The following ELMO1 variants were observed in gnomAD, a reference collection of about 807,000 sequenced individuals.
ELMO1 encodes engulfment and cell motility protein 1.
ELMO1 carries 26 observed loss-of-function variants against 98.9 expected under a neutral mutation model. The ratio of observed to expected loss-of-function variants is 0.26; its 90% CI spans 0.19 to 0.36. The LOEUF is 0.36. ELMO1 is among the 10% of genes least tolerant of loss of function. ELMO1 has a pLI of 1.00. For synonymous variants in ELMO1, 346 were observed against 346.0 expected (o/e 1.00, Z 0.00); for missense variants, 627 against 935.2 (o/e 0.67, Z 4.30).
intron 14 of ELMO1, among the ~76,000 whole-genome samples, chr7:37,112,707 T>C (rs906556080): frequency 2.6e-5 from 4 of 152,204 alleles, no homozygotes; most frequent in Admixed American, 6.5e-5. Context: ...ATTTATGATG[T>C]ATGCCAAATT....
At chr7:36,990,580 A>ACGTTCAAC (rs1256504887) in intron 16 of ELMO1, among the ~76,000 whole-genome samples, 1 of 152,048 alleles carries the variant, frequency 6.6e-6, no homozygotes, top group African/African-American at 2.4e-5. Flanking sequence ...TTTCGCTCAC[A>ACGTTCAAC]CGTTCAACCT....
At chr7:37,105,268 C>T (rs1784881976) in intron 14 of ELMO1, among the ~76,000 whole-genome samples, 1 of 152,196 alleles carries the variant, frequency 6.6e-6, no homozygotes, top group Non-Finnish European at 1.5e-5. Context: ...TTTGTGCCTA[C>T]ACAGTAATCA....
At chr7:37,077,557 G>A (rs1374273349) in intron 15 of ELMO1, among the ~76,000 whole-genome samples, 1 of 152,210 alleles carries the variant, frequency 6.6e-6, no homozygotes, top group Non-Finnish European at 1.5e-5. Flanking sequence ...ATTGGAGGAG[G>A]CAAGTATGCA....
At chr7:36,973,424 C>T (rs116029721) in intron 16 of ELMO1, among the ~76,000 whole-genome samples, 104 of 152,346 alleles carry the variant, frequency 6.8e-4, no homozygotes, top group African/African-American at 2.5e-3. Flanking sequence ...ATCTAAGTTG[C>T]AGAGCAATAG....
At chr7:36,897,928 A>G (rs1248138001) in intron 16 of ELMO1, among the ~76,000 whole-genome samples, 2 of 152,242 alleles carry the variant, frequency 1.3e-5, no homozygotes, top group Non-Finnish European at 2.9e-5. Context: ...AGGAAGGGAT[A>G]TAAGCAGTGG....
chr7:37,395,739 G>A (rs1428382281), intron 1 of ELMO1, among the ~76,000 whole-genome samples: 1 of 152,026 alleles, frequency 6.6e-6, no homozygotes, highest in African/African-American at 2.4e-5. Flanking sequence ...TGTAAAGCAA[G>A]CACCTCTGTT....
chr7:36,983,370 G>T (rs749744849), intron 16 of ELMO1, among the ~76,000 whole-genome samples: 3 of 152,162 alleles, frequency 2.0e-5, no homozygotes, highest in Non-Finnish European at 4.4e-5. Context: ...TTTTCAATTT[G>T]ACTTTAATTA....
chr7:36,864,512 G>T (rs1233129538), intron 20 of ELMO1, among the ~76,000 whole-genome samples: 1 of 152,154 alleles, frequency 6.6e-6, no homozygotes, highest in Non-Finnish European at 1.5e-5. Flanking sequence ...GCTTGTAATG[G>T]GTTTTATTGA....
At chr7:37,164,050 T>C (rs1371769547) in intron 13 of ELMO1, among the ~76,000 whole-genome samples, 2 of 152,230 alleles carry the variant, frequency 1.3e-5, no homozygotes, top group South Asian at 2.1e-4. Flanking sequence ...TGAGATAATA[T>C]CCCATTGCGG....
intron 16 of ELMO1, among the ~76,000 whole-genome samples, chr7:36,931,864 T>C (rs190673588): frequency 5.3e-5 from 8 of 152,354 alleles, no homozygotes; most frequent in Admixed American, 2.6e-4. Context: ...TTAATAACCA[T>C]CTGTGTGTGT....
At chr7:37,045,469 TA>T (rs1795747329) in intron 15 of ELMO1, among the ~76,000 whole-genome samples, 2 of 152,320 alleles carry the variant, frequency 1.3e-5, no homozygotes, top group African/African-American at 2.4e-5. Flanking sequence ...ATTATTATTT[TA>T]AAAAACTTCT....
chr7:36,984,177 T>C (rs930574697), intron 16 of ELMO1, among the ~76,000 whole-genome samples: 1 of 152,142 alleles, frequency 6.6e-6, no homozygotes, highest in African/African-American at 2.4e-5. Flanking sequence ...AAATCGAGCA[T>C]CGAGGTGTAC....
chr7:36,969,763 A>G (rs1318117786), intron 16 of ELMO1, among the ~76,000 whole-genome samples: 1 of 152,210 alleles, frequency 6.6e-6, no homozygotes, highest in African/African-American at 2.4e-5. Flanking sequence ...AGGTGGCTAC[A>G]TCTAGTAAAG....
intron 16 of ELMO1, among the ~76,000 whole-genome samples, chr7:36,989,047 A>G (rs1483376682): frequency 6.6e-6 from 1 of 152,230 alleles, no homozygotes; most frequent in Non-Finnish European, 1.5e-5. Context: ...ACATTTATTG[A>G]GCAATTAATA....
chr7:36,910,450 T>C (rs1784263792), intron 16 of ELMO1, among the ~76,000 whole-genome samples: 2 of 152,074 alleles, frequency 1.3e-5, no homozygotes, highest in South Asian at 2.1e-4. Flanking sequence ...ATAATCTCAA[T>C]CTAAAAAGTG....
intron 1 of ELMO1, among the ~76,000 whole-genome samples, chr7:37,385,791 C>T (rs1453624711): frequency 6.6e-6 from 1 of 152,224 alleles, no homozygotes; most frequent in South Asian, 2.1e-4. Context: ...ACACAAAATA[C>T]GAAGGGGCGG....
chr7:37,030,257 T>C (rs1794805265), intron 15 of ELMO1, among the ~76,000 whole-genome samples: 1 of 152,224 alleles, frequency 6.6e-6, no homozygotes, highest in South Asian at 2.1e-4. Flanking sequence ...CTATGTGAAA[T>C]GCAAGTTGAT....
At chr7:37,325,711 C>T (rs899656223) in intron 2 of ELMO1, among the ~76,000 whole-genome samples, 3 of 152,166 alleles carry the variant, frequency 2.0e-5, no homozygotes. Flanking sequence ...TTTTACTTTG[C>T]TTTTATAGAT....
intron 16 of ELMO1, among the ~76,000 whole-genome samples, chr7:36,949,041 A>C (rs1787749520): frequency 6.6e-6 from 1 of 152,108 alleles, no homozygotes; most frequent in Non-Finnish European, 1.5e-5. Flanking sequence ...TTTTTAGTAG[A>C]GAAGGGGTTT....
Sources: allele counts gnomAD v4.1 joint callset (sites outside exome capture counted in the v4.1 genomes callset), GRCh38; gene constraint gnomAD v4.1.1; transcripts MANE v1.5; gene names NCBI Gene and HGNC (gene_info 2026-07-23, HGNC 2026-07-21).